BICC1: variants seen among roughly 807,000 people sequenced by gnomAD.
BICC1 encodes BicC family RNA binding protein 1.
In BICC1, 43 loss-of-function variants were observed where a neutral mutation model predicts 111.0. The observed-to-expected ratio is 0.39, with a 90% CI of 0.30 to 0.50. The LOEUF is 0.50. BICC1 is among the 20% of genes least tolerant of loss of function. The probability of loss-of-function intolerance (pLI) is 0.88; values close to 1 mark genes in which losing one functional copy is unlikely to be tolerated. For missense variants in BICC1, 1,091 were observed against 1,203.2 expected (o/e 0.91, Z 1.38); for synonymous variants, 467 against 434.4 (o/e 1.07, Z -0.93).
intron 2 of BICC1, among the ~76,000 whole-genome samples, chr10:58,686,913 T>G (rs186183571): frequency 5.8e-4 from 88 of 152,364 alleles, no homozygotes; most frequent in African/African-American, 2.0e-3. Flanking sequence ...GTTCCATTGC[T>G]GGCGAGGAGG....
intron 3 of BICC1, among the ~76,000 whole-genome samples, chr10:58,737,602 G>A (rs571095702): frequency 1.4e-4 from 22 of 152,252 alleles, no homozygotes; most frequent in African/African-American, 4.3e-4. Context: ...ATATTCCTTT[G>A]GGTATATACC....
At chr10:58,809,764 A>C (rs1286385745) in intron 17 of BICC1, among the ~76,000 whole-genome samples, 2 of 152,220 alleles carry the variant, frequency 1.3e-5, no homozygotes, top group African/African-American at 4.8e-5. Flanking sequence ...AATTATCTTA[A>C]ATCATATTCA....
At chr10:58,769,398 G>GTATATATATATATATA (rs1464928653) in intron 3 of BICC1, among the ~76,000 whole-genome samples, 16 of 101,632 alleles carry the variant, frequency 1.6e-4, no homozygotes, top group South Asian at 1.1e-3. Context: ...GTGTGTGTGT[G>GTATATATATATATATA]TGTGTGTATA....
intron 3 of BICC1, among the ~76,000 whole-genome samples, chr10:58,713,640 G>C (rs1202149119): frequency 6.6e-6 from 1 of 152,194 alleles, no homozygotes; most frequent in Non-Finnish European, 1.5e-5. Context: ...AAGTGCTAAT[G>C]ATGAGTGTTT....
At chr10:58,570,046 A>G (rs1409113939) in intron 1 of BICC1, among the ~76,000 whole-genome samples, 2 of 152,168 alleles carry the variant, frequency 1.3e-5, no homozygotes, top group Non-Finnish European at 2.9e-5. Context: ...CATTCTCTCC[A>G]TCATCTGTTG....
chr10:58,659,155 T>G (rs1838759454), intron 2 of BICC1, among the ~76,000 whole-genome samples: 1 of 152,180 alleles, frequency 6.6e-6, no homozygotes, highest in African/African-American at 2.4e-5. Context: ...AGAATGTAAA[T>G]TAGTTCAGCC....
At position 58,824,108 on chromosome 10, in the gene BICC1, A is replaced by G. The variant is rs1844328052; in HGVS notation, c.2794+3640A>G. 6 of 983,992 alleles carry G rather than the reference A, an allele frequency of 6.1e-6. No individual in the cohort carries two copies. In the South Asian group the frequency reaches 2.4e-4, roughly 39 times the overall value. 61.0% of individuals were successfully genotyped at this position (983,992 alleles called of 1,614,324 possible). On this transcript the variant is annotated intron_variant, in intron 20 of 20. Coordinates refer to ENST00000373886, the MANE Select transcript of BICC1 (RefSeq NM_001080512.3). The stretch of plus-strand genomic sequence containing the variant: ...TCTGTTATCTGGCATACTTGGAACT[A>G]TCGATTTCTCAGATTTGTATTCCTG...
At chr10:58,718,136 C>T (rs1478932526) in intron 3 of BICC1, among the ~76,000 whole-genome samples, 1 of 152,104 alleles carries the variant, frequency 6.6e-6, no homozygotes, top group Non-Finnish European at 1.5e-5. Flanking sequence ...ATTTTGGCTA[C>T]TATACCAAAA....
At chr10:58,675,703 G>A (rs1282235177) in intron 2 of BICC1, among the ~76,000 whole-genome samples, 3 of 152,228 alleles carry the variant, frequency 2.0e-5, no homozygotes, top group Admixed American at 2.0e-4. Context: ...GGCGATGGAT[G>A]TGTTAATTAA....
intron 2 of BICC1, among the ~76,000 whole-genome samples, chr10:58,630,499 G>T (rs540623833): frequency 1.3e-5 from 2 of 152,206 alleles, no homozygotes; most frequent in South Asian, 2.1e-4. Context: ...CCTGATCATA[G>T]CTCACTACAG....
chr10:58,818,249 A>G (rs563602535), intron 19 of BICC1, among the ~76,000 whole-genome samples: 10 of 152,218 alleles, frequency 6.6e-5, no homozygotes, highest in African/African-American at 2.4e-4. Flanking sequence ...CTGAGACAGA[A>G]CTGAGATGTC....
chr10:58,553,703 T>A (rs1288120762), intron 1 of BICC1, among the ~76,000 whole-genome samples: 7 of 152,140 alleles, frequency 4.6e-5, no homozygotes, highest in Admixed American at 4.6e-4. Context: ...AAAGACAAGT[T>A]TTTTTTTCGG....
Position 58,789,387 on chromosome 10 carries a change from A to G in BICC1, c.726A>G (p.Lys242=). The part of the protein sequence containing the change: ...SQTYNISVSF[K]QRSRMYGATV... The stretch of plus-strand genomic sequence containing the variant: ...CGTACAATATTTCAGTATCATTTAA[A>G]CAGCGTTCCCGAATGTATGGTGCTA... The change falls in exon 7 of 21, where the codon AAA becomes AAG. Residue 242 remains lysine (K), a synonymous_variant. Transcript: ENST00000373886. 6.2e-7 allele frequency: 1 copy of G among 1,614,114 alleles called. No individual in the cohort carries two copies.
intron 15 of BICC1, among the ~76,000 whole-genome samples, chr10:58,804,464 G>A (rs893526240): frequency 1.3e-5 from 2 of 152,142 alleles, no homozygotes; most frequent in Admixed American, 6.5e-5. Context: ...GTTGCTGTGA[G>A]CCAAGATTGC....
At chr10:58,648,448 A>T (rs971410512) in intron 2 of BICC1, 2 of 925,164 alleles carry the variant, frequency 2.2e-6, no homozygotes, top group Non-Finnish European at 2.6e-6. Context: ...GGCATTTATT[A>T]TACACAGAGT....
At chr10:58,608,862 T>C (rs1845322383) in intron 1 of BICC1, among the ~76,000 whole-genome samples, 2 of 152,202 alleles carry the variant, frequency 1.3e-5, no homozygotes, top group Admixed American at 6.5e-5. Flanking sequence ...AATAAAGAAA[T>C]ACATAAGTAT....
intron 1 of BICC1, among the ~76,000 whole-genome samples, chr10:58,592,646 C>T (rs1435937496): frequency 1.3e-5 from 2 of 150,462 alleles, no homozygotes; most frequent in South Asian, 2.1e-4. Context: ...ACCCAGGAGG[C>T]GGAGGTAGCA....
intron 1 of BICC1, among the ~76,000 whole-genome samples, chr10:58,557,359 G>A (rs1409871922): frequency 7.0e-6 from 1 of 142,030 alleles, no homozygotes; most frequent in Non-Finnish European, 1.5e-5. Context: ...TTTTTTTCAT[G>A]TGTTCAGTGG....
At chr10:58,767,086 T>C (rs1842478055) in intron 3 of BICC1, among the ~76,000 whole-genome samples, 1 of 152,122 alleles carries the variant, frequency 6.6e-6, no homozygotes, top group South Asian at 2.1e-4. Context: ...ACCCAACCAA[T>C]TCCATGGGTG....
Sources: allele counts gnomAD v4.1 joint callset (sites outside exome capture counted in the v4.1 genomes callset), GRCh38; gene constraint gnomAD v4.1.1; transcripts MANE v1.5; gene names NCBI Gene and HGNC (gene_info 2026-07-23, HGNC 2026-07-21).